Variants in CDC42EP4 observed in about 807,000 individuals in gnomAD.
CDC42EP4 encodes the protein CDC42 effector protein 4, also known as CDC42 effector protein (Rho GTPase binding) 4.
Under a neutral mutation model 5.6 loss-of-function variants are expected in CDC42EP4, and 6 were observed. The ratio of observed to expected loss-of-function variants is 1.07; its 90% CI spans 0.59 to 2.12. The LOEUF (loss-of-function observed/expected upper bound fraction) is 2.12, where lower values mean the gene tolerates loss of function less well. Among genes scored for constraint, CDC42EP4 ranks in the 30% most tolerant of loss-of-function variants. The pLI is 0.00. For synonymous variants in CDC42EP4, 230 were observed against 224.2 expected, an observed-to-expected ratio of 1.03 and a Z score of -0.23; for missense variants, 490 against 508.6, an observed-to-expected ratio of 0.96 and a Z score of 0.35.
intron 1 of CDC42EP4, among the ~76,000 whole-genome samples, chr17:73,297,298 A>AC (rs1292128354): frequency 5.2e-4 from 78 of 148,708 alleles, no homozygotes; most frequent in African/African-American, 1.8e-3. Flanking sequence ...TCGTCTCCAA[A>AC]AAAAAAAAAA....
At chr17:73,299,220 G>A (rs1404997538) in intron 1 of CDC42EP4, among the ~76,000 whole-genome samples, 2 of 151,866 alleles carry the variant, frequency 1.3e-5, no homozygotes, top group Non-Finnish European at 1.5e-5. Context: ...TCAGGAGATC[G>A]AGGCCATCCT....
chr17:73,286,061 G>T lies in CDC42EP4; in HGVS notation c.440C>A (p.Ala147Asp), dbSNP rs753477144. Residue 147 changes from alanine to aspartate, a missense_variant, in exon 2 of 2, where the codon GCC (alanine) becomes GAC (aspartate). By Grantham distance (126) the Ala-to-Asp change is moderately radical (BLOSUM62 -2). Transcript: ENST00000335793. This position sits in a 1 kb window ranked among gnomAD's most constrained non-coding sequence, Gnocchi z 7.7. ...KSLSSSPVKK[A>D]NDGEGGDEEA... Reference sequence around the variant, plus strand: ...CTCATCGCCGCCCTCCCCGTCATTGGCCTTCTTCACGGGGCTGGATGACAG... The same window carrying T: ...CTCATCGCCGCCCTCCCCGTCATTGTCCTTCTTCACGGGGCTGGATGACAG... 2 of 1,613,976 alleles carry T rather than the reference G, an allele frequency of 1.2e-6. No individual in the cohort carries two copies. The highest frequency in any genetic ancestry group is 2.2e-5 in the South Asian group (2 of 91,090).
chr17:73,299,443 ATACACACACAC>A (rs1388810031), intron 1 of CDC42EP4, among the ~76,000 whole-genome samples: 12 of 113,480 alleles, frequency 1.1e-4, no homozygotes, highest in African/African-American at 3.8e-4. Context: ...AAAAAAAAAA[ATACACACACAC>A]ACACACACAC....
chr17:73,296,460 C>T (rs1555741402), intron 1 of CDC42EP4, among the ~76,000 whole-genome samples: 1 of 151,118 alleles, frequency 6.6e-6, no homozygotes, highest in Non-Finnish European at 1.5e-5. Context: ...CAGCCTAATG[C>T]CCAGTGATGG....
chr17:73,292,443 A>C (rs141525877), intron 1 of CDC42EP4, among the ~76,000 whole-genome samples: 136 of 149,104 alleles, frequency 9.1e-4, no homozygotes, highest in African/African-American at 3.1e-3. Flanking sequence ...TAGGCCCTGG[A>C]GATAGAGCAG....
Position 73,285,522 on chromosome 17 carries a change from C to G in CDC42EP4, c.979G>C (p.Gly327Arg). ...ACAGCAGCCCGGGCCCTGTCCGGCC[C>G]CCGGAAGGCAGGGCTGCGCTCCTCC... ...ILEERSPAFR[G>R]PDRARAAVSR... The change falls in exon 2 of 2, where the codon GGG (glycine) becomes CGG (arginine). Residue 327 changes from glycine to arginine, a missense_variant. Coordinates refer to ENST00000335793, the MANE Select transcript of CDC42EP4 (RefSeq NM_012121.5). The surrounding 1 kb of genome is among the most constrained non-coding windows in gnomAD (Gnocchi z 6.8). The G allele has an allele frequency of 6.2e-7, 1 of 1,610,494 alleles. No homozygotes were observed. The highest frequency in any genetic ancestry group is 1.1e-5 in the South Asian group (1 of 90,976).
In CDC42EP4 at chr17:73,284,867, C is replaced by G. The variant is rs949216193; in HGVS notation, c.*563G>C. On this transcript the variant is annotated 3_prime_UTR_variant, in exon 2 of 2. Coordinates refer to ENST00000335793, the MANE Select transcript of CDC42EP4 (RefSeq NM_012121.5). ...TAGTGCACATGCTCGCAGCTGGCCCCCCGTCCAGCTCAGCTCCAAGGGGCT... is the reference window on the plus strand; with the variant it reads ...TAGTGCACATGCTCGCAGCTGGCCCGCCGTCCAGCTCAGCTCCAAGGGGCT... The G allele has an allele frequency of 6.6e-6, 1 of 152,286 alleles. No homozygotes were observed. The highest frequency in any genetic ancestry group is 2.4e-5 in the African/African-American group (1 of 41,458). The allele number at this position is 152,286 out of a possible 1,614,324, so 9.4% of individuals were successfully genotyped here. A position where few individuals can be genotyped will look rare whatever the true frequency, so the allele number is the denominator to read the frequency against.
intron 1 of CDC42EP4, among the ~76,000 whole-genome samples, chr17:73,299,925 G>A (rs1225574422): frequency 6.6e-6 from 1 of 152,098 alleles, no homozygotes; most frequent in East Asian, 1.9e-4. Context: ...ATGTTCTGGT[G>A]TTCTGGGAGG....
intron 1 of CDC42EP4, among the ~76,000 whole-genome samples, chr17:73,292,838 T>G (rs909488302): frequency 5.3e-5 from 8 of 152,132 alleles, no homozygotes; most frequent in African/African-American, 1.9e-4. Context: ...AGAGTTCTGT[T>G]TTGTTTTTAG....
rs35550966 is a variant in CDC42EP4 at position 73,301,710 on chromosome 17, CT to C, written c.-113+10182del. On this transcript the variant is annotated intron_variant, in intron 1 of 1. Coordinates refer to ENST00000335793, the MANE Select transcript of CDC42EP4 (RefSeq NM_012121.5). Reference sequence around the variant, plus strand: ...TACAGGCACACGCCACCATGCCCAGCTTTTTTTTTTTTTTTTTTGAGGCCAA... The same window carrying C: ...TACAGGCACACGCCACCATGCCCAGCTTTTTTTTTTTTTTTTTGAGGCCAA... 9.3e-3 allele frequency among the ~76,000 whole-genome samples: 1,219 copies of C among 131,356 alleles called. 6 individuals are homozygous for C. Among genetic ancestry groups the C allele is most frequent in the African/African-American group, 0.022 (776 of 35,072 alleles). The allele number at this position is 131,356 out of a possible 152,430, so 86.2% of individuals were successfully genotyped here.
intron 1 of CDC42EP4, among the ~76,000 whole-genome samples, chr17:73,301,506 T>C (rs113166533): frequency 6.1e-4 from 93 of 152,346 alleles, no homozygotes; most frequent in African/African-American, 2.1e-3. Context: ...CCATTTTCAG[T>C]TGAAACTCTG....
chr17:73,286,810 A>C lies in CDC42EP4; in HGVS notation c.-112-198T>G. ...TCAGAGTAGAGGAGTGATTTTGCAA[A>C]TCTGGTTAGAGTTCCAGTAGCCTCG... is the stretch of plus-strand genomic sequence containing the variant. On this transcript the variant is annotated intron_variant, in intron 1 of 1. Coordinates refer to ENST00000335793, the MANE Select transcript of CDC42EP4 (RefSeq NM_012121.5). This position sits in a 1 kb window ranked among gnomAD's most constrained non-coding sequence, Gnocchi z 7.7. The C allele has an allele frequency of 3.2e-6, 1 of 309,506 alleles. No individual in the cohort carries two copies. Among genetic ancestry groups the C allele is most frequent in the Non-Finnish European group, 6.0e-6 (1 of 166,886 alleles). 19.2% of individuals were successfully genotyped at this position (309,506 alleles called of 1,614,324 possible).
chr17:73,304,645 A>C (rs1185954038), intron 1 of CDC42EP4, among the ~76,000 whole-genome samples: 1 of 130,408 alleles, frequency 7.7e-6, no homozygotes, highest in African/African-American at 2.9e-5. Flanking sequence ...CACCATAAGG[A>C]ACATCGGGGT....
chr17:73,285,521 C>G lies in CDC42EP4; in HGVS notation c.980G>C (p.Gly327Ala). 6.2e-7 allele frequency: 1 copy of G among 1,610,324 alleles called. No homozygotes were observed. Among genetic ancestry groups the G allele is most frequent in the Non-Finnish European group, 8.5e-7 (1 of 1,178,368 alleles). The change falls in exon 2 of 2, where the codon GGG becomes GCG. Residue 327 changes from glycine to alanine, a missense_variant. Physicochemically the swap from Gly to Ala is moderately conservative, Grantham distance 60. Transcript: ENST00000335793. The surrounding 1 kb of genome is among the most constrained non-coding windows in gnomAD (Gnocchi z 6.8). ...GACAGCAGCCCGGGCCCTGTCCGGCCCCCGGAAGGCAGGGCTGCGCTCCTC... is the reference window on the plus strand; with the variant it reads ...GACAGCAGCCCGGGCCCTGTCCGGCGCCCGGAAGGCAGGGCTGCGCTCCTC... ...ILEERSPAFR[G>A]PDRARAAVSR...
chr17:73,311,339 GTGC>G (rs1353042332), intron 1 of CDC42EP4: 3 of 152,552 alleles, frequency 2.0e-5, no homozygotes, highest in Non-Finnish European at 2.9e-5. Context: ...TGGGTGGCGT[GTGC>G]TGCAGTGTGT....
chr17:73,309,614 A>G (rs532458983), intron 1 of CDC42EP4: 10 of 153,372 alleles, frequency 6.5e-5, no homozygotes, highest in African/African-American at 1.9e-4. Context: ...ATCCAAAAAG[A>G]GAGAGGCAGA....
At chr17:73,297,377 G>C (rs2062193976) in intron 1 of CDC42EP4, among the ~76,000 whole-genome samples, 1 of 151,860 alleles carries the variant, frequency 6.6e-6, no homozygotes, top group South Asian at 2.1e-4. Context: ...GGGAGGCTGA[G>C]GCAGGAGAAT....
intron 1 of CDC42EP4, among the ~76,000 whole-genome samples, chr17:73,297,551 T>G (rs2145318393): frequency 6.6e-6 from 1 of 152,304 alleles, no homozygotes; most frequent in Admixed American, 6.5e-5. Context: ...TGGTTACAAC[T>G]CTACACAAAT....
chr17:73,285,750 G>C lies in CDC42EP4; in HGVS notation c.751C>G (p.Gln251Glu). 1 of 1,591,346 alleles carries C rather than the reference G, an allele frequency of 6.3e-7. No homozygotes were observed. The highest frequency in any genetic ancestry group is 8.6e-7 in the Non-Finnish European group (1 of 1,163,304). The change falls in exon 2 of 2, where the codon CAG becomes GAG. Residue 251 changes from glutamine (Q) to glutamate (E), a missense_variant. Transcript: ENST00000335793. The surrounding 1 kb of genome is among the most constrained non-coding windows in gnomAD (Gnocchi z 6.8). ...GCCGCCACGGCGTACGGGGGAGCCTGGGTGATGGTGCCAGCGGCGCCCTCA... is the reference window on the plus strand; with the variant it reads ...GCCGCCACGGCGTACGGGGGAGCCTCGGTGATGGTGCCAGCGGCGCCCTCA... ...GDEGAAGTIT[Q>E]APPYAVAAPP...
Sources: allele counts gnomAD v4.1 joint callset (sites outside exome capture counted in the v4.1 genomes callset), GRCh38; gene constraint gnomAD v4.1.1; non-coding constraint Gnocchi (gnomAD v3.1); transcripts MANE v1.5; gene names NCBI Gene and HGNC (gene_info 2026-07-23, HGNC 2026-07-21).